Variants in NFIL3 observed in about 807,000 individuals in gnomAD.
NFIL3 encodes the protein nuclear factor interleukin-3-regulated protein.
A neutral mutation model predicts 10.0 loss-of-function variants in NFIL3; 5 were observed. That is an observed-to-expected ratio of 0.50 (90% confidence interval 0.26 to 1.06). NFIL3 has a LOEUF of 1.06. Among genes scored for constraint, NFIL3 ranks in the 50% least tolerant of loss-of-function variants. NFIL3 has a pLI of 0.13. For synonymous variants in NFIL3, 202 were observed against 206.5 expected (o/e 0.98, Z 0.19); for missense variants, 436 against 547.6 (o/e 0.80, Z 2.03).
chr9:91,444,057 T>C, the NFIL3 span, among the ~76,000 whole-genome samples: 1 of 152,238 alleles, frequency 6.6e-6, no homozygotes, highest in African/African-American at 2.4e-5. Flanking sequence ...AAATTCCATG[T>C]TGCAAGCATT....
the NFIL3 span, among the ~76,000 whole-genome samples, chr9:91,445,995 C>T: frequency 5.3e-5 from 8 of 152,056 alleles, no homozygotes; most frequent in African/African-American, 1.5e-4. Flanking sequence ...TGGCAGTGGC[C>T]CTAATTCCAA....
chr9:91,442,916 A>C, the NFIL3 span, among the ~76,000 whole-genome samples: 1 of 152,160 alleles, frequency 6.6e-6, no homozygotes, highest in Non-Finnish European at 1.5e-5. Flanking sequence ...TTTGTGTTAC[A>C]GCACTTTCAG....
chr9:91,412,938 T>A (rs1183569696), intron 1 of NFIL3, among the ~76,000 whole-genome samples: 4 of 151,906 alleles, frequency 2.6e-5, no homozygotes, highest in Admixed American at 6.6e-5. Context: ...ACTAATAAAA[T>A]GAAGTTTACT....
the NFIL3 span, among the ~76,000 whole-genome samples, chr9:91,464,500 A>G: frequency 1.3e-5 from 2 of 152,120 alleles, no homozygotes; most frequent in Non-Finnish European, 2.9e-5. Flanking sequence ...ATGCCATAAT[A>G]GCCCCATACA....
chr9:91,477,535 C>T, the NFIL3 span, among the ~76,000 whole-genome samples: 1 of 152,116 alleles, frequency 6.6e-6, no homozygotes, highest in East Asian at 1.9e-4. Context: ...ATTCCACTCA[C>T]CACAACTTCT....
rs202008468 is a variant in NFIL3, at chr9:91,409,334, C to T, written c.*12G>A. 1.9e-6 allele frequency: 3 copies of T among 1,539,104 alleles called. No homozygotes were observed. The highest frequency in any genetic ancestry group is 2.6e-6 in the Non-Finnish European group (3 of 1,146,190). The stretch of plus-strand genomic sequence containing the variant: ...CATCTTTCTAAATGCCCAGCTCTTA[C>T]TCAGTAGTAATTTACCCAGAGTCTG... On this transcript the variant is annotated 3_prime_UTR_variant, in exon 2 of 2. Transcript: ENST00000297689.
chr9:91,415,282 C>T (rs889453267), intron 1 of NFIL3, among the ~76,000 whole-genome samples: 1 of 152,162 alleles, frequency 6.6e-6, no homozygotes, highest in African/African-American at 2.4e-5. Context: ...CAAAAACAAT[C>T]ATAATTGGTG....
chr9:91,446,812 CTCTT>C, the NFIL3 span, among the ~76,000 whole-genome samples: 1 of 150,824 alleles, frequency 6.6e-6, no homozygotes, highest in African/African-American at 2.4e-5. Context: ...CTCTCTCTCT[CTCTT>C]TCTTTCTTTC....
At chr9:91,478,814 C>T in the NFIL3 span, among the ~76,000 whole-genome samples, 2 of 152,162 alleles carry the variant, frequency 1.3e-5, no homozygotes, top group Non-Finnish European at 1.5e-5. Context: ...TGGTGACCTT[C>T]GGATGGGGTT....
upstream of NFIL3, chr9:91,426,911 G>T (rs992924099): frequency 6.6e-6 from 1 of 152,194 alleles, no homozygotes; most frequent in Non-Finnish European, 1.5e-5. Flanking sequence ...CACTAGGCCG[G>T]AGTAACTGTA....
At chr9:91,480,265 T>G in the NFIL3 span, among the ~76,000 whole-genome samples, 1 of 151,842 alleles carries the variant, frequency 6.6e-6, no homozygotes, top group Admixed American at 6.6e-5. Flanking sequence ...CAGGAAAAAG[T>G]TCAGGAAGCA....
chr9:91,428,915 A>G, the NFIL3 span, among the ~76,000 whole-genome samples: 2 of 152,242 alleles, frequency 1.3e-5, no homozygotes, highest in South Asian at 4.1e-4. Context: ...AAAGGTGGGT[A>G]GGAAAAAGGA....
chr9:91,477,952 T>C, the NFIL3 span, among the ~76,000 whole-genome samples: 1 of 152,212 alleles, frequency 6.6e-6, no homozygotes, highest in African/African-American at 2.4e-5. Context: ...AAAATTCTTT[T>C]CTTTAAGAAT....
intron 1 of NFIL3, among the ~76,000 whole-genome samples, chr9:91,411,361 C>T (rs1833544841): frequency 6.6e-6 from 1 of 152,128 alleles, no homozygotes; most frequent in African/African-American, 2.4e-5. Context: ...AGCAGATATG[C>T]TCACCTCTTA....
In NFIL3 at chr9:91,410,049, G is replaced by A; in HGVS notation, c.686C>T (p.Thr229Ile). The A allele has an allele frequency of 6.2e-7, 1 of 1,612,836 alleles. No homozygotes were observed. The highest frequency in any genetic ancestry group is 8.5e-7 in the Non-Finnish European group (1 of 1,179,974). ...KQEPMELESY[T>I]REPRDDRGSY... ...GCCTCGGTCATCTCTTGGCTCCCTT[G>A]TGTAGCTCTCTAATTCCATCGGCTC... The change falls in exon 2 of 2, where the codon ACA (threonine) becomes ATA (isoleucine). Residue 229 changes from threonine to isoleucine, a missense_variant. By Grantham distance (89) the Thr-to-Ile change is moderately conservative. Transcript: ENST00000297689. This position sits in a 1 kb window ranked among gnomAD's most constrained non-coding sequence, Gnocchi z 5.7.
At chr9:91,468,711 T>G in the NFIL3 span, among the ~76,000 whole-genome samples, 1 of 152,224 alleles carries the variant, frequency 6.6e-6, no homozygotes, top group Non-Finnish European at 1.5e-5. Flanking sequence ...AATTAATTTT[T>G]GTATAAGGTG....
At chr9:91,423,313 CTCT>C (rs1040549643) in intron 1 of NFIL3, among the ~76,000 whole-genome samples, 77 of 152,318 alleles carry the variant, frequency 5.1e-4, no homozygotes, top group African/African-American at 1.8e-3. Context: ...CTGCCTGGCG[CTCT>C]TCTTTACCAA....
At chr9:91,462,798 G>T in the NFIL3 span, among the ~76,000 whole-genome samples, 1 of 119,760 alleles carries the variant, frequency 8.4e-6, no homozygotes, top group African/African-American at 3.2e-5. Flanking sequence ...ATTTACCATT[G>T]ATTCCATCAA....
the NFIL3 span, among the ~76,000 whole-genome samples, chr9:91,474,488 A>T: frequency 6.6e-6 from 1 of 152,164 alleles, no homozygotes; most frequent in East Asian, 1.9e-4. Flanking sequence ...CTCTATATGC[A>T]CCTTTCTGTC....
Sources: allele counts gnomAD v4.1 joint callset (sites outside exome capture counted in the v4.1 genomes callset), GRCh38; gene constraint gnomAD v4.1.1; non-coding constraint Gnocchi (gnomAD v3.1); transcripts MANE v1.5; gene names NCBI Gene and HGNC (gene_info 2026-07-23, HGNC 2026-07-21).